The following CYTH1 variants were observed in gnomAD, a reference collection of about 807,000 sequenced individuals.
The protein encoded by CYTH1 is cytohesin-1.
A neutral mutation model predicts 61.8 loss-of-function variants in CYTH1; 18 were observed. The observed-to-expected ratio is 0.29, with a 90% CI of 0.20 to 0.43. The LOEUF is 0.43. CYTH1 is among the 20% of genes least tolerant of loss of function. The pLI, the probability that CYTH1 is intolerant of heterozygous loss-of-function variation, is 1.00. For synonymous variants in CYTH1, 174 were observed against 184.3 expected (o/e 0.94, Z 0.45); for missense variants, 336 against 510.5 (o/e 0.66, Z 3.29).
chr17:78,702,053 G>T, intron 5 of CYTH1, 69 bp downstream of exon 5: 1 of 1,277,106 alleles, frequency 7.8e-7, no homozygotes. Context: ...CAGAGTATTT[G>T]GGAGTTTGTT....
At chr17:78,719,156 A>G (rs1260409161) in intron 1 of CYTH1, among the ~76,000 whole-genome samples, 1 of 152,196 alleles carries the variant, frequency 6.6e-6, no homozygotes, top group Non-Finnish European at 1.5e-5. Flanking sequence ...CTCTACAGGG[A>G]GTGGTCTTGG....
intron 2 of CYTH1, chr17:78,709,348 T>C: frequency 3.3e-6 from 1 of 304,240 alleles, no homozygotes; most frequent in Non-Finnish European, 6.0e-6. Context: ...TCCACTCTGC[T>C]CCGCAAGGGC....
Position 78,702,160 on chromosome 17 carries a change from C to T in CYTH1, c.318G>A (p.Gly106=). The part of the protein sequence containing the change: ...DIAQFLYKGE[G]LNKTAIGDYL... ...AGTCGCCGATGGCTGTCTTGTTGAG[C>T]CCTTCGCCTTTATATAAGAACTGGG... The change falls in exon 5 of 14, where the codon GGG becomes GGA. Residue 106 remains glycine (G), a synonymous_variant. Coordinates refer to ENST00000446868, the MANE Select transcript of CYTH1 (RefSeq NM_004762.6). 1 of 1,614,194 alleles carries T rather than the reference C, an allele frequency of 6.2e-7. No individual in the cohort carries two copies. The highest frequency in any genetic ancestry group is 1.1e-5 in the South Asian group (1 of 91,082).
intron 1 of CYTH1, among the ~76,000 whole-genome samples, chr17:78,744,596 T>C (rs2093352870): frequency 6.6e-6 from 1 of 152,148 alleles, no homozygotes; most frequent in South Asian, 2.1e-4. Flanking sequence ...AACATAGAGG[T>C]ATACTATTTT....
At chr17:78,680,410 T>C in intron 12 of CYTH1, 66 bp from the exon 13 acceptor site, 1 of 1,514,292 alleles carries the variant, frequency 6.6e-7, no homozygotes, top group Non-Finnish European at 8.9e-7. Context: ...AACATGCTGA[T>C]TTCTTTCCCC....
intron 13 of CYTH1, chr17:78,676,563 A>G (rs996924391): frequency 1.3e-4 from 36 of 285,108 alleles, no homozygotes; most frequent in Middle Eastern, 1.2e-3. Context: ...GCCGTGTCAC[A>G]TGCAGTCCTC....
chr17:78,769,514 G>A (rs1016946733), intron 1 of CYTH1, among the ~76,000 whole-genome samples: 3 of 152,048 alleles, frequency 2.0e-5, no homozygotes, highest in South Asian at 4.1e-4. Flanking sequence ...CCATCCCAGC[G>A]CCAGTGGAAC....
intron 1 of CYTH1, among the ~76,000 whole-genome samples, chr17:78,726,553 G>A (rs901405870): frequency 1.3e-5 from 2 of 152,134 alleles, no homozygotes; most frequent in South Asian, 2.1e-4. Context: ...GGTGCTATGC[G>A]GAGTGGGGCT....
In CYTH1 at chr17:78,701,707, T is replaced by G; in HGVS notation, c.401A>C (p.His134Pro). The part of the protein sequence containing the change: ...IQVLHAFVEL[H>P]EFTDLNLVQA... ...GACGAGATTAAGATCAGTGAACTCA[T>G]GCAGCTCCACAAATGCATGAAGAAC... Residue 134 changes from histidine to proline, a missense_variant, in exon 6 of 14, where the codon CAT (histidine) becomes CCT (proline). His to Pro is a moderately conservative substitution (Grantham distance 77, BLOSUM62 -2). Coordinates refer to ENST00000446868, the MANE Select transcript of CYTH1 (RefSeq NM_004762.6). 1 of 1,614,192 alleles carries G rather than the reference T, an allele frequency of 6.2e-7. No individual in the cohort carries two copies. Among genetic ancestry groups the G allele is most frequent in the Non-Finnish European group, 8.5e-7 (1 of 1,180,040 alleles).
intron 13 of CYTH1, chr17:78,676,381 C>A (rs1217884124): frequency 3.5e-6 from 2 of 565,300 alleles, no homozygotes; most frequent in Admixed American, 6.9e-5. Flanking sequence ...GAACACGTGA[C>A]AAGAAAATTT....
rs1437470615 is a variant in CYTH1 at position 78,674,693 on chromosome 17, C to T, written c.*1398G>A. On this transcript the variant is annotated 3_prime_UTR_variant, in exon 14 of 14. Transcript: ENST00000446868. ...GGGCTGCGCCCTGCACCGCCCTGGT[C>T]CAGGGTCCTGTGGAGGGGCGGGGCG... The T allele has an allele frequency of 6.6e-6, 1 of 152,458 alleles. No individual in the cohort carries two copies. The highest frequency in any genetic ancestry group is 2.4e-5 in the African/African-American group (1 of 41,482). 9.4% of individuals were successfully genotyped at this position (152,458 alleles called of 1,614,324 possible).
chr17:78,755,765 G>A (rs2093398190), intron 1 of CYTH1, among the ~76,000 whole-genome samples: 1 of 151,862 alleles, frequency 6.6e-6, no homozygotes, highest in Non-Finnish European at 1.5e-5. Flanking sequence ...TAAACAATTA[G>A]CTGGGCATGG....
rs61061423 is a variant in CYTH1 at position 78,689,477 on chromosome 17, C to T, written c.891+2940G>A. ...GGTTCGTGCTCCTATGAGAATCTAA[C>T]GCCGCCACTGATCTGACAGGATGTG... On this transcript the variant is annotated intron_variant, in intron 11 of 13. Transcript: ENST00000446868. 6.0e-3 allele frequency among the ~76,000 whole-genome samples: 913 copies of T among 152,250 alleles called. 43 individuals carry two copies. In the East Asian group the frequency reaches 0.12, roughly 20 times the overall value.
Position 78,675,853 on chromosome 17 carries a change from T to G in CYTH1, c.*238A>C. On this transcript the variant is annotated 3_prime_UTR_variant, in exon 14 of 14. Coordinates refer to ENST00000446868, the MANE Select transcript of CYTH1 (RefSeq NM_004762.6). ...TGCCCTGCCGACAAGAGCTCTGCCC[T>G]GTGAGAGAGGAAGGCTCTGGAGCCC... is the stretch of plus-strand genomic sequence containing the variant. 1 of 1,457,450 alleles carries G rather than the reference T, an allele frequency of 6.9e-7. No individual in the cohort carries two copies. Among genetic ancestry groups the G allele is most frequent in the Non-Finnish European group, 9.1e-7 (1 of 1,103,636 alleles). The allele number at this position is 1,457,450 out of a possible 1,614,324, so 90.3% of individuals were successfully genotyped here. A position where few individuals can be genotyped will look rare whatever the true frequency, so the allele number is the denominator to read the frequency against.
intron 1 of CYTH1, among the ~76,000 whole-genome samples, chr17:78,749,570 C>A (rs1315488146): frequency 6.6e-6 from 1 of 151,724 alleles, no homozygotes; most frequent in Non-Finnish European, 1.5e-5. Flanking sequence ...GTCAAGGCTG[C>A]AGTAAGCTAT....
rs376465403 is a variant in CYTH1, at chr17:78,700,381, G to A, written c.500C>T (p.Ala167Val). Reference protein sequence around the residue: ...EAQKIDRMMEAFAQRYCQCNN... With the variant: ...EAQKIDRMMEVFAQRYCQCNN... ...GCACTGACAATATCGCTGGGCAAAC[G>A]CCTCCATCATCCGGTCGATCTTCTG... is the stretch of plus-strand genomic sequence containing the variant. Residue 167 changes from alanine to valine, a missense_variant, in exon 7 of 14, where the codon GCG becomes GTG. By Grantham distance (64) the Ala-to-Val change is moderately conservative (BLOSUM62 0). Coordinates refer to ENST00000446868, the MANE Select transcript of CYTH1 (RefSeq NM_004762.6). The surrounding 1 kb of genome is among the most constrained non-coding windows in gnomAD (Gnocchi z 5.1). 6.2e-6 allele frequency: 10 copies of A among 1,613,568 alleles called. No homozygotes were observed. The highest frequency in any genetic ancestry group is 2.7e-5 in the African/African-American group (2 of 74,926).
rs1567879187 is a variant in CYTH1, at chr17:78,760,417, ATATATATACACATACATATATATATG to A, written c.22+21759_22+21784del. 1.3e-4 allele frequency among the ~76,000 whole-genome samples: 11 copies of A among 83,782 alleles called. 1 individual carries two copies. The East Asian group carries it at 2.1e-3, about 16-fold the overall frequency. 55.0% of individuals were successfully genotyped at this position (83,782 alleles called of 152,430 possible). On this transcript the variant is annotated intron_variant, in intron 1 of 13. Coordinates refer to ENST00000446868, the MANE Select transcript of CYTH1 (RefSeq NM_004762.6). ...CATACATATATATATGTGTATATAT[ATATATATACACATACATATATATATG>A]TATATATATATACATACATATATAT...
intron 1 of CYTH1, among the ~76,000 whole-genome samples, chr17:78,781,434 G>C (rs1025485555): frequency 1.3e-5 from 2 of 152,226 alleles, no homozygotes; most frequent in Non-Finnish European, 2.9e-5. Context: ...CTCAACGCGC[G>C]GGAGCGAAGG....
At chr17:78,698,750 C>T (rs917518782) in intron 8 of CYTH1, 70 bp downstream of exon 8, 1 of 1,472,444 alleles carries the variant, frequency 6.8e-7, no homozygotes, top group South Asian at 1.4e-5. Flanking sequence ...TTCTTCCTTC[C>T]TACAAAAGAC....
Sources: gnomAD v4.1 joint callset for allele counts (sites outside exome capture counted in the v4.1 genomes callset) on GRCh38, gnomAD v4.1.1 for gene constraint, Gnocchi (gnomAD v3.1) non-coding constraint, MANE v1.5 for transcripts, NCBI Gene and HGNC (gene_info 2026-07-23, HGNC 2026-07-21) for gene names.